The following EEA1 variants were observed in gnomAD, a reference collection of about 807,000 sequenced individuals.
EEA1 encodes the protein early endosome antigen 1, 162kD.
A neutral mutation model predicts 209.2 loss-of-function variants in EEA1; 111 were observed. The ratio of observed to expected loss-of-function variants is 0.53; its 90% confidence interval spans 0.45 to 0.62. EEA1 has a LOEUF of 0.62. Ranked by LOEUF, EEA1 falls within the 20% of genes least tolerant of loss-of-function variation. The pLI is 0.00. For synonymous variants in EEA1, 536 were observed against 540.6 expected, an observed-to-expected ratio of 0.99 and a Z score of 0.12; for missense variants, 1,343 against 1,530.8, an observed-to-expected ratio of 0.88 and a Z score of 2.05.
intron 10 of EEA1, among the ~76,000 whole-genome samples, chr12:92,838,319 T>A (rs776194217): frequency 6.6e-6 from 1 of 152,204 alleles, no homozygotes; most frequent in Non-Finnish European, 1.5e-5. Flanking sequence ...TATTAATAGC[T>A]TAATGTTTGA....
At chr12:92,857,047 C>G (rs563454180) in intron 5 of EEA1, among the ~76,000 whole-genome samples, 14 of 152,200 alleles carry the variant, frequency 9.2e-5, no homozygotes, top group Non-Finnish European at 1.6e-4. Flanking sequence ...GCTGGGATTA[C>G]AGGCGTGGGC....
chr12:92,803,038 T>A (rs1028261625), intron 18 of EEA1, among the ~76,000 whole-genome samples: 4 of 152,056 alleles, frequency 2.6e-5, no homozygotes, highest in Non-Finnish European at 5.9e-5. Flanking sequence ...AAAAAAACTA[T>A]GTATCACAGA....
chr12:92,862,142 T>C (rs747162208), intron 3 of EEA1, among the ~76,000 whole-genome samples: 3 of 152,146 alleles, frequency 2.0e-5, no homozygotes, highest in Non-Finnish European at 4.4e-5. Context: ...CACAGTGTTA[T>C]AGTGGAGTAG....
At chr12:92,862,626 T>C (rs1334056833) in intron 3 of EEA1, among the ~76,000 whole-genome samples, 2 of 151,752 alleles carry the variant, frequency 1.3e-5, no homozygotes. Context: ...GGCAGCAATA[T>C]GGAGAATTGG....
At chr12:92,886,982 G>A (rs920707876) in intron 2 of EEA1, among the ~76,000 whole-genome samples, 1 of 133,876 alleles carries the variant, frequency 7.5e-6, no homozygotes, top group Non-Finnish European at 1.6e-5. Flanking sequence ...CTGGGCAACA[G>A]AGCGGGACTC....
intron 2 of EEA1, among the ~76,000 whole-genome samples, chr12:92,870,169 T>C (rs1372609302): frequency 6.6e-6 from 1 of 152,208 alleles, no homozygotes; most frequent in Non-Finnish European, 1.5e-5. Flanking sequence ...CCAAAATATC[T>C]GCCACATAAA....
chr12:92,804,380 G>C (rs1565814968), intron 18 of EEA1, among the ~76,000 whole-genome samples: 1 of 151,988 alleles, frequency 6.6e-6, no homozygotes, highest in African/African-American at 2.4e-5. Flanking sequence ...AGACCAACCT[G>C]GCTAACACAG....
chr12:92,862,586 TA>T lies in EEA1; in HGVS notation c.245+2273del, dbSNP rs568487009. 2.5e-3 allele frequency among the ~76,000 whole-genome samples: 364 copies of T among 144,382 alleles called. 2 individuals are homozygous for T. The highest frequency in any genetic ancestry group is 3.1e-3 in the Non-Finnish European group (201 of 65,610). The allele number at this position is 144,382 out of a possible 152,430, so 94.7% of individuals were successfully genotyped here. A position where few individuals can be genotyped will look rare whatever the true frequency, so the allele number is the denominator to read the frequency against. ...GGAAAACAGAGCAAGATCCTATCTC[TA>T]AAAAAAAAAGAAAAAAGAATATTAT... On this transcript the variant is annotated intron_variant, in intron 3 of 28. Coordinates refer to ENST00000322349, the MANE Select transcript of EEA1 (RefSeq NM_003566.4).
intron 2 of EEA1, among the ~76,000 whole-genome samples, chr12:92,887,841 GA>G (rs1879479825): frequency 6.6e-6 from 1 of 151,714 alleles, no homozygotes; most frequent in Non-Finnish European, 1.5e-5. Context: ...GGCAATATCA[GA>G]AAAAAATTGA....
chr12:92,821,327 T>A (rs1044117344), intron 13 of EEA1, among the ~76,000 whole-genome samples: 2 of 152,218 alleles, frequency 1.3e-5, no homozygotes, highest in Non-Finnish European at 2.9e-5. Context: ...TGTTATTCAA[T>A]GTCAGAGACG....
At position 92,788,009 on chromosome 12, in the gene EEA1, G is replaced by C. The variant is rs373054361; in HGVS notation, c.3008C>G (p.Ala1003Gly). Residue 1003 changes from alanine to glycine, a missense_variant, in exon 22 of 29, where the codon GCA becomes GGA. By Grantham distance (60) the Ala-to-Gly change is moderately conservative (BLOSUM62 0). Around this residue, in one of 3 missense-constraint regions of EEA1, gnomAD observed 1,307 missense variants for 1,465.5 expected, o/e 0.89. Transcript: ENST00000322349. ...ENKLQQQLTQ[A>G]AQELAAEKEK... ...TTTCTCTGCTGCAAGTTCCTGGGCT[G>C]CCTGTGTTAACTGCTGCTGTAGTTT... The C allele has an allele frequency of 9.0e-5, 145 of 1,608,510 alleles. No individual in the cohort carries two copies. Among genetic ancestry groups the C allele is most frequent in the South Asian group, 4.5e-4 (41 of 90,156 alleles).
In EEA1 at chr12:92,801,648, T is replaced by G. The variant is rs1298506731; in HGVS notation, c.2724A>C (p.Thr908=). The G allele has an allele frequency of 6.3e-7, 1 of 1,598,652 alleles. No individual in the cohort carries two copies. The highest frequency in any genetic ancestry group is 1.2e-5 in the South Asian group (1 of 86,884). ...KHQLQVQMEN[T]LKEQKELKKS... is the part of the protein sequence containing the mutation. Reference sequence around the variant, plus strand: ...TTTTCAGTTCCTTCTGTTCCTTAAGTGTGTTTTCCATCTGCACTTGAAGTT... The same window carrying G: ...TTTTCAGTTCCTTCTGTTCCTTAAGGGTGTTTTCCATCTGCACTTGAAGTT... Residue 908 remains threonine (T), a synonymous_variant, in exon 20 of 29, where the codon ACA becomes ACC. Transcript: ENST00000322349.
At chr12:92,796,955 C>T (rs528998349) in intron 21 of EEA1, among the ~76,000 whole-genome samples, 1 of 152,316 alleles carries the variant, frequency 6.6e-6, no homozygotes, top group African/African-American at 2.4e-5. Context: ...CCAAATTTAA[C>T]AAAATTAAAC....
intron 20 of EEA1, 50 bp from the exon 21 acceptor site, chr12:92,799,136 C>T (rs551807389): frequency 9.9e-5 from 142 of 1,435,956 alleles, no homozygotes; most frequent in Non-Finnish European, 1.2e-4. Context: ...ATTCAAAAGA[C>T]GATGTACTGA....
chr12:92,876,400 C>T (rs1878887540), intron 2 of EEA1, among the ~76,000 whole-genome samples: 2 of 151,962 alleles, frequency 1.3e-5, no homozygotes, highest in South Asian at 4.2e-4. Context: ...TGCCTATTTC[C>T]ACCCACTTGA....
intron 1 of EEA1, among the ~76,000 whole-genome samples, chr12:92,892,031 T>C (rs1333222530): frequency 6.6e-6 from 1 of 152,202 alleles, no homozygotes; most frequent in Non-Finnish European, 1.5e-5. Context: ...ATGGATGTTA[T>C]CTCTGTAGAG....
chr12:92,779,660 C>T lies in EEA1; in HGVS notation c.3469-360G>A, dbSNP rs74954217. 2.6e-3 allele frequency among the ~76,000 whole-genome samples: 392 copies of T among 152,036 alleles called. 3 individuals carry two copies. Among genetic ancestry groups the T allele is most frequent in the African/African-American group, 8.7e-3 (363 of 41,512 alleles). On this transcript the variant is annotated intron_variant, in intron 24 of 28. Coordinates refer to ENST00000322349, the MANE Select transcript of EEA1 (RefSeq NM_003566.4). The stretch of plus-strand genomic sequence containing the variant: ...ACATAAAGATGAATTATACACATTC[C>T]CTGATTTAAGGAAGTCACATTCTAG...
At chr12:92,800,834 C>A (rs1164826904) in intron 20 of EEA1, among the ~76,000 whole-genome samples, 1 of 152,228 alleles carries the variant, frequency 6.6e-6, no homozygotes, top group Non-Finnish European at 1.5e-5. Flanking sequence ...TTTGAACAAT[C>A]TTGATTCAGA....
chr12:92,857,562 G>T (rs1877935955), intron 3 of EEA1, 77 bp from the exon 4 acceptor site: 1 of 862,008 alleles, frequency 1.2e-6, no homozygotes, highest in Non-Finnish European at 1.8e-6. Context: ...ATCATGGCTA[G>T]TAATTGTATA....
Sources: gnomAD v4.1 joint callset for allele counts (sites outside exome capture counted in the v4.1 genomes callset) on GRCh38, gnomAD v4.1.1 for gene constraint, gnomAD v4.1.1 regional missense constraint, MANE v1.5 for transcripts, NCBI Gene and HGNC (gene_info 2026-07-23, HGNC 2026-07-21) for gene names.